Variants in PSD3 observed in about 807,000 individuals in gnomAD.
PSD3 encodes the protein PH and SEC7 domain-containing protein 3.
Under a neutral mutation model 105.5 loss-of-function variants are expected in PSD3, and 49 were observed. The ratio of observed to expected loss-of-function variants is 0.46; its 90% CI spans 0.37 to 0.59. The LOEUF is 0.59. Ranked by LOEUF, PSD3 falls within the 20% of genes least tolerant of loss-of-function variation. The pLI, the probability that PSD3 is intolerant of heterozygous loss-of-function variation, is 0.00. For synonymous variants in PSD3, 557 were observed against 457.8 expected (o/e 1.22, Z -2.77); for missense variants, 1,561 against 1,263.8 (o/e 1.24, Z -3.57).
At position 18,701,793 on chromosome 8, in the gene PSD3, T is replaced by C. The variant is rs140203913; in HGVS notation, c.2173-46108A>G. ...CAAATATAAGAGCTTTACAACTGCA[T>C]AGCCATGAGCTTTCCTGAGGGAGTA... is the stretch of plus-strand genomic sequence containing the variant. On this transcript the variant is annotated intron_variant, in intron 9 of 15. Transcript: ENST00000327040. Among the ~76,000 whole-genome samples the C allele has an allele frequency of 4.0e-3, 607 of 152,334 alleles. 4 individuals are homozygous for C. The highest frequency in any genetic ancestry group is 0.01 in the Middle Eastern group (3 of 292).
chr8:18,532,806 G>C lies in PSD3; in HGVS notation c.*2937C>G, dbSNP rs1019719296. ...GGTGGGGACAAACCCCTAAAATTCA[G>C]ATTTTATACATGGGCCACCTGTATG... On this transcript the variant is annotated 3_prime_UTR_variant, in exon 16 of 16. Transcript: ENST00000327040. The C allele has an allele frequency of 2.6e-5, 4 of 152,134 alleles. No individual in the cohort carries two copies. Among genetic ancestry groups the C allele is most frequent in the Non-Finnish European group, 5.9e-5 (4 of 68,030 alleles). The allele number at this position is 152,134 out of a possible 1,614,324, so 9.4% of individuals were successfully genotyped here. A position where few individuals can be genotyped will look rare whatever the true frequency, so the allele number is the denominator to read the frequency against.
intron 12 of PSD3, among the ~76,000 whole-genome samples, chr8:18,577,743 T>C (rs565851636): frequency 3.9e-5 from 6 of 152,212 alleles, no homozygotes; most frequent in African/African-American, 1.4e-4. Flanking sequence ...TGTTCTGCAA[T>C]CTTACTAAAA....
At chr8:18,555,683 T>TA (rs1233366759) in intron 15 of PSD3, among the ~76,000 whole-genome samples, 2 of 152,208 alleles carry the variant, frequency 1.3e-5, no homozygotes, top group Non-Finnish European at 2.9e-5. Context: ...TTCTTTTTAA[T>TA]AAGCACACTC....
Position 18,530,087 on chromosome 8 carries a change from A to G in PSD3, c.*5656T>C, listed in dbSNP as rs1302424712. On this transcript the variant is annotated 3_prime_UTR_variant, in exon 16 of 16. Coordinates refer to ENST00000327040, the MANE Select transcript of PSD3 (RefSeq NM_015310.4). ...TTCAAACTCTCTGAATCAGCTACAA[A>G]GACACGAGGCAGTGTGTTTAAACAA... The G allele has an allele frequency of 6.6e-6, 1 of 152,644 alleles. No individual in the cohort carries two copies. The highest frequency in any genetic ancestry group is 1.5e-5 in the Non-Finnish European group (1 of 68,048). The allele number at this position is 152,644 out of a possible 1,614,324, so 9.5% of individuals were successfully genotyped here.
At chr8:18,655,835 G>T in intron 9 of PSD3, 150 bp from the exon 10 acceptor site, 1 of 676,202 alleles carries the variant, frequency 1.5e-6, no homozygotes, top group East Asian at 2.7e-5. Context: ...AAGAATACAT[G>T]GGGAGGCAAA....
At chr8:18,790,659 T>C (rs1809630716) in intron 8 of PSD3, among the ~76,000 whole-genome samples, 1 of 152,066 alleles carries the variant, frequency 6.6e-6, no homozygotes, top group Non-Finnish European at 1.5e-5. Context: ...GGCTATTCTC[T>C]ATATCCTTAT....
At chr8:18,672,109 T>C (rs1219159238) in intron 9 of PSD3, among the ~76,000 whole-genome samples, 1 of 152,200 alleles carries the variant, frequency 6.6e-6, no homozygotes, top group Non-Finnish European at 1.5e-5. Flanking sequence ...ATCTTGTTGG[T>C]AAGCCTTAAG....
intron 1 of PSD3, among the ~76,000 whole-genome samples, chr8:18,972,375 A>G (rs1824703209): frequency 6.6e-6 from 1 of 152,236 alleles, no homozygotes; most frequent in South Asian, 2.1e-4. Flanking sequence ...AGGTGCAGGA[A>G]TAACAAACAG....
At chr8:18,966,328 G>T (rs542877246) in intron 1 of PSD3, among the ~76,000 whole-genome samples, 34 of 152,228 alleles carry the variant, frequency 2.2e-4, no homozygotes, top group African/African-American at 7.9e-4. Flanking sequence ...CCAGCACTTT[G>T]GGAGGCCGAG....
intron 15 of PSD3, among the ~76,000 whole-genome samples, chr8:18,547,422 T>G (rs537191818): frequency 6.6e-6 from 1 of 152,274 alleles, no homozygotes; most frequent in East Asian, 1.9e-4. Context: ...CAATGGAAGC[T>G]GGTGGGGATC....
At chr8:18,967,029 C>T (rs1479811819) in intron 1 of PSD3, among the ~76,000 whole-genome samples, 1 of 152,172 alleles carries the variant, frequency 6.6e-6, no homozygotes, top group Non-Finnish European at 1.5e-5. Flanking sequence ...AATCTGCTTG[C>T]CTGGTCCAAA....
At chr8:18,975,451 A>T (rs1340213175) in intron 1 of PSD3, among the ~76,000 whole-genome samples, 1 of 152,162 alleles carries the variant, frequency 6.6e-6, no homozygotes, top group Non-Finnish European at 1.5e-5. Context: ...AGTCACGCAG[A>T]AGAGCGTTTG....
At chr8:18,644,504 C>T (rs893755368) in intron 10 of PSD3, among the ~76,000 whole-genome samples, 3 of 152,160 alleles carry the variant, frequency 2.0e-5, no homozygotes, top group Non-Finnish European at 4.4e-5. Context: ...ATACCTTGTT[C>T]TTCATTTCTA....
intron 4 of PSD3, among the ~76,000 whole-genome samples, chr8:18,841,145 G>A (rs184630686): frequency 4.6e-5 from 7 of 152,216 alleles, no homozygotes; most frequent in South Asian, 2.1e-4. Flanking sequence ...CCTGCTGCCA[G>A]CATTGACAAC....
intron 4 of PSD3, among the ~76,000 whole-genome samples, chr8:18,837,654 T>A (rs1335675192): frequency 2.0e-5 from 3 of 152,186 alleles, no homozygotes; most frequent in African/African-American, 7.2e-5. Flanking sequence ...CTAAAAGTAC[T>A]CTAGGCCAGG....
chr8:18,912,306 T>A (rs1466745787), intron 2 of PSD3, among the ~76,000 whole-genome samples: 1 of 152,136 alleles, frequency 6.6e-6, no homozygotes, highest in Admixed American at 6.5e-5. Context: ...CTGAAGGAAA[T>A]CTGCTAGCAG....
intron 1 of PSD3, among the ~76,000 whole-genome samples, chr8:19,041,368 C>T (rs1268426479): frequency 1.3e-5 from 2 of 152,186 alleles, no homozygotes; most frequent in East Asian, 1.9e-4. Context: ...GTACGATACT[C>T]ATTTTAGTTA....
At chr8:18,903,368 G>C (rs1180142487) in intron 2 of PSD3, among the ~76,000 whole-genome samples, 1 of 152,126 alleles carries the variant, frequency 6.6e-6, no homozygotes, top group African/African-American at 2.4e-5. Flanking sequence ...TGTGAGGCCA[G>C]GTGCAGTGGC....
intron 9 of PSD3, among the ~76,000 whole-genome samples, chr8:18,722,014 G>C (rs1395108938): frequency 6.6e-6 from 1 of 152,026 alleles, no homozygotes; most frequent in Non-Finnish European, 1.5e-5. Flanking sequence ...CCAATTTATT[G>C]TTACAATTTC....
Sources: allele counts gnomAD v4.1 joint callset (sites outside exome capture counted in the v4.1 genomes callset), GRCh38; gene constraint gnomAD v4.1.1; transcripts MANE v1.5; gene names NCBI Gene and HGNC (gene_info 2026-07-23, HGNC 2026-07-21).